Variants in RAPGEF4 observed in about 807,000 individuals in gnomAD.
The protein encoded by RAPGEF4 is RAP guanine-nucleotide-exchange factor (GEF) 4.
Under a neutral mutation model 147.9 loss-of-function variants are expected in RAPGEF4, and 66 were observed. The observed-to-expected ratio is 0.45, with a 90% CI of 0.37 to 0.55. The LOEUF (loss-of-function observed/expected upper bound fraction) is 0.55, where lower values mean the gene tolerates loss of function less well. Ranked by LOEUF, RAPGEF4 falls within the 20% of genes least tolerant of loss-of-function variation. The pLI is 0.00. For synonymous variants in RAPGEF4, 419 were observed against 442.7 expected (o/e 0.95, Z 0.67); for missense variants, 1,071 against 1,257.3 (o/e 0.85, Z 2.24).
chr2:173,039,623 C>T (rs1236739275), intron 29 of RAPGEF4, among the ~76,000 whole-genome samples: 4 of 152,160 alleles, frequency 2.6e-5, no homozygotes, highest in Admixed American at 6.5e-5. Flanking sequence ...AAGGTGAAGG[C>T]ATGCTTCATC....
intron 4 of RAPGEF4, among the ~76,000 whole-genome samples, chr2:172,835,364 T>A (rs1172715538): frequency 6.6e-6 from 1 of 152,250 alleles, no homozygotes; most frequent in Non-Finnish European, 1.5e-5. Context: ...TATAAAACAT[T>A]ATTTCTAAAC....
intron 25 of RAPGEF4, among the ~76,000 whole-genome samples, 170 bp from the exon 26 acceptor site, chr2:173,029,994 C>T (rs1241064645): frequency 1.3e-5 from 2 of 152,242 alleles, no homozygotes; most frequent in Non-Finnish European, 2.9e-5. Context: ...AATCAAACAG[C>T]AGAACATGGT....
intron 4 of RAPGEF4, among the ~76,000 whole-genome samples, chr2:172,902,863 C>G (rs1699217774): frequency 6.6e-6 from 1 of 152,190 alleles, no homozygotes; most frequent in African/African-American, 2.4e-5. Flanking sequence ...TAAACAGAGA[C>G]TTCCAAAACC....
At chr2:173,006,931 A>G (rs966715644) in intron 17 of RAPGEF4, among the ~76,000 whole-genome samples, 11 of 152,176 alleles carry the variant, frequency 7.2e-5, no homozygotes, top group Non-Finnish European at 1.5e-4. Context: ...CAGATATGCA[A>G]TTTGAGTTTG....
chr2:172,831,313 A>T lies in RAPGEF4; in HGVS notation c.444+16888A>T, dbSNP rs572525861. On this transcript the variant is annotated intron_variant, in intron 4 of 30. Transcript: ENST00000397081. ...GACAGAGTTTTGCTCTTGTTGCCCA[A>T]TCTGGAGTGCAGTGGCGCAATCTTG... Among the ~76,000 whole-genome samples, 7 of 78,254 alleles carry T rather than the reference A, an allele frequency of 8.9e-5. No homozygotes were observed. In the East Asian group the frequency reaches 3.5e-3, roughly 39 times the overall value. The allele number at this position is 78,254 out of a possible 152,430, so 51.3% of individuals were successfully genotyped here.
chr2:172,830,484 C>T (rs1486699111), intron 4 of RAPGEF4, among the ~76,000 whole-genome samples: 1 of 152,184 alleles, frequency 6.6e-6, no homozygotes, highest in Non-Finnish European at 1.5e-5. Context: ...AGTTCCATAT[C>T]TCCCCAAAAC....
At chr2:172,758,133 A>G (rs1473804587) in intron 1 of RAPGEF4, among the ~76,000 whole-genome samples, 1 of 152,204 alleles carries the variant, frequency 6.6e-6, no homozygotes, top group Non-Finnish European at 1.5e-5. Flanking sequence ...TGATTTGAGC[A>G]AAGAGGCAGA....
intron 24 of RAPGEF4, among the ~76,000 whole-genome samples, 165 bp from the exon 25 acceptor site, chr2:173,026,916 A>G (rs758059828): frequency 1.3e-5 from 2 of 152,224 alleles, no homozygotes; most frequent in African/African-American, 2.4e-5. Context: ...TAAGCCAGTA[A>G]AACCTAGTTT....
chr2:172,946,549 G>A (rs1157076571), intron 6 of RAPGEF4, among the ~76,000 whole-genome samples: 1 of 152,066 alleles, frequency 6.6e-6, no homozygotes, highest in Non-Finnish European at 1.5e-5. Flanking sequence ...CAGACTAGGG[G>A]ACTCACAATG....
intron 3 of RAPGEF4, among the ~76,000 whole-genome samples, chr2:172,804,987 C>A (rs989123997): frequency 6.6e-6 from 1 of 152,102 alleles, no homozygotes; most frequent in Non-Finnish European, 1.5e-5. Context: ...TTGTAGGAGG[C>A]GTGAGTTGCA....
At chr2:172,737,722 C>A (rs1467702497) in intron 1 of RAPGEF4, among the ~76,000 whole-genome samples, 5 of 150,266 alleles carry the variant, frequency 3.3e-5, no homozygotes, top group African/African-American at 7.3e-5. Context: ...AAAAAAAAAA[C>A]CCTTCACAGA....
At chr2:172,780,568 G>A (rs1027308167) in intron 1 of RAPGEF4, among the ~76,000 whole-genome samples, 2 of 152,136 alleles carry the variant, frequency 1.3e-5, no homozygotes, top group Admixed American at 1.3e-4. Flanking sequence ...AATAGCGGGA[G>A]GGCAGAGAGC....
intron 3 of RAPGEF4, among the ~76,000 whole-genome samples, chr2:172,812,470 T>A (rs1574918235): frequency 6.6e-6 from 1 of 152,222 alleles, no homozygotes; most frequent in Non-Finnish European, 1.5e-5. Context: ...GTGTCTTTAT[T>A]ACAAGAGTTG....
chr2:172,863,045 G>A (rs3769289), intron 4 of RAPGEF4, among the ~76,000 whole-genome samples: 23,509 of 152,084 alleles, frequency 0.15, 2,158 homozygotes, highest in East Asian at 0.25. Context: ...GGGAAAAGAT[G>A]AATCTGAAAT....
chr2:172,967,361 G>T lies in RAPGEF4; in HGVS notation c.921G>T (p.Glu307Asp). Residue 307 changes from glutamate (E) to aspartate (D), a missense_variant, in exon 10 of 31, where the codon GAG becomes GAT. Physicochemically the swap from Glu to Asp is conservative, Grantham distance 45 (BLOSUM62 2). Transcript: ENST00000397081. ...APLPTEEEKKECDEELQDTML... is the reference protein window; with the variant it reads ...APLPTEEEKKDCDEELQDTML... ...TGCCTACTGAGGAGGAGAAGAAGGA[G>T]TGTGATGAGGAGCTCCAGGACACCA... 1 of 1,612,142 alleles carries T rather than the reference G, an allele frequency of 6.2e-7. No homozygotes were observed. The highest frequency in any genetic ancestry group is 8.5e-7 in the Non-Finnish European group (1 of 1,179,838).
chr2:172,808,931 C>T (rs550607276), intron 3 of RAPGEF4, among the ~76,000 whole-genome samples: 1 of 152,300 alleles, frequency 6.6e-6, no homozygotes, highest in East Asian at 1.9e-4. Context: ...CCAGCATGGG[C>T]GGCTTCATCG....
At chr2:172,786,306 C>T (rs976933301) in intron 1 of RAPGEF4, among the ~76,000 whole-genome samples, 3 of 152,140 alleles carry the variant, frequency 2.0e-5, no homozygotes, top group African/African-American at 7.2e-5. Flanking sequence ...ACTCGTATTA[C>T]AGTCCTTATT....
At chr2:172,865,371 A>G (rs568571918) in intron 4 of RAPGEF4, among the ~76,000 whole-genome samples, 2 of 152,254 alleles carry the variant, frequency 1.3e-5, no homozygotes, top group Non-Finnish European at 1.5e-5. Flanking sequence ...GTCCAAATAA[A>G]ACCAACTGCC....
intron 1 of RAPGEF4, among the ~76,000 whole-genome samples, chr2:172,737,630 T>C (rs1210897199): frequency 6.6e-6 from 1 of 152,016 alleles, no homozygotes; most frequent in East Asian, 1.9e-4. Context: ...TCTGCCTAAA[T>C]GATTTTGCTT....
Sources: gnomAD v4.1 joint callset for allele counts (sites outside exome capture counted in the v4.1 genomes callset) on GRCh38, gnomAD v4.1.1 for gene constraint, MANE v1.5 for transcripts, NCBI Gene and HGNC (gene_info 2026-07-23, HGNC 2026-07-21) for gene names.